PSMA3: variants seen among roughly 807,000 people sequenced by gnomAD.
PSMA3 encodes the protein proteasome 20S subunit alpha 3, also known as proteasome subunit alpha type-3.
In PSMA3, 8 loss-of-function variants were observed where a neutral mutation model predicts 40.0. That is an observed-to-expected ratio of 0.20 (90% CI 0.12 to 0.36). PSMA3 has a LOEUF of 0.36. Ranked by LOEUF, PSMA3 falls within the 10% of genes least tolerant of loss-of-function variation. The probability of loss-of-function intolerance (pLI) is 1.00; values close to 1 mark genes in which losing one functional copy is unlikely to be tolerated. For missense variants in PSMA3, 219 were observed against 310.6 expected (o/e 0.70, Z 2.22); for synonymous variants, 110 against 100.0 (o/e 1.10, Z -0.59).
intron 3 of PSMA3, 133 bp from the exon 4 acceptor site, chr14:58,257,612 G>T: frequency 1.5e-6 from 1 of 669,506 alleles, no homozygotes; most frequent in Non-Finnish European, 2.5e-6. Flanking sequence ...CTTGTAGAGA[G>T]ACCTTTAAGC....
chr14:58,252,338 G>C (rs1332289405), intron 3 of PSMA3, 96 bp downstream of exon 3: 10 of 1,433,618 alleles, frequency 7.0e-6, no homozygotes, highest in Admixed American at 2.4e-5. Context: ...AAAGTAATCA[G>C]AGCAAGTTAC....
chr14:58,270,620 T>A (rs1366427674), intron 9 of PSMA3, 135 bp downstream of exon 9: 8 of 1,467,810 alleles, frequency 5.5e-6, no homozygotes, highest in Non-Finnish European at 7.3e-6. Context: ...AAGTTCTGCT[T>A]AATAATTGAC....
intron 7 of PSMA3, chr14:58,266,594 A>G (rs1594832654): frequency 6.6e-6 from 1 of 152,224 alleles, no homozygotes; most frequent in African/African-American, 2.4e-5. Flanking sequence ...CATTGAAAGA[A>G]TGCTTAATTC....
At chr14:58,271,079 C>A in intron 10 of PSMA3, 81 bp downstream of exon 10, 2 of 961,122 alleles carry the variant, frequency 2.1e-6, no homozygotes, top group Non-Finnish European at 3.1e-6. Flanking sequence ...CCAGCCTGAG[C>A]AGCACAGCAA....
chr14:58,263,116 G>A (rs1051095727), intron 6 of PSMA3, among the ~76,000 whole-genome samples: 1 of 151,586 alleles, frequency 6.6e-6, no homozygotes, highest in Non-Finnish European at 1.5e-5. Context: ...TGGAGTAGCT[G>A]GCATTACAGG....
intron 3 of PSMA3, among the ~76,000 whole-genome samples, chr14:58,253,781 A>C (rs1890069499): frequency 6.6e-6 from 1 of 151,750 alleles, no homozygotes; most frequent in South Asian, 2.1e-4. Flanking sequence ...TTTAGTAGAG[A>C]CGGGGTTTCA....
rs147346123 is a variant in PSMA3 at position 58,256,460 on chromosome 14, G to C, written c.229-1285G>C. ...GATGGAGTCTCGCTCTGTTGCCCAG[G>C]ATGGAGTGCAGTGGCGCGATCTCGG... On this transcript the variant is annotated intron_variant, in intron 3 of 10. Transcript: ENST00000216455. Among the ~76,000 whole-genome samples the C allele has an allele frequency of 7.1e-3, 1,064 of 149,742 alleles. 8 individuals are homozygous for C. Among genetic ancestry groups the C allele is most frequent in the Non-Finnish European group, 0.012 (812 of 67,478 alleles).
In PSMA3 at chr14:58,267,526, T is replaced by G. The variant is rs747982940; in HGVS notation, c.590+6T>G. ...GTTAAAGAAGTTGCAAAAATGTAAG[T>G]TGAAATTTTTCTTACCATCCACAAA... On this transcript the variant is annotated splice_donor_region_variant and intron_variant, in intron 8 of 10. Coordinates refer to ENST00000216455, the MANE Select transcript of PSMA3 (RefSeq NM_002788.4). 6.4e-7 allele frequency: 1 copy of G among 1,573,570 alleles called. No homozygotes were observed.
chr14:58,265,408 G>A (rs1890410161), intron 7 of PSMA3: 3 of 152,182 alleles, frequency 2.0e-5, no homozygotes, highest in Non-Finnish European at 4.4e-5. Context: ...CTTTCAGTTT[G>A]TGACAAAATT....
rs751982358 is a variant in PSMA3 at position 58,252,433 on chromosome 14, GAA to G, written c.228+192_228+193del. On this transcript the variant is annotated intron_variant, in intron 3 of 10. Coordinates refer to ENST00000216455, the MANE Select transcript of PSMA3 (RefSeq NM_002788.4). ...TGGGGGAAAAACCAAGTTGCTGAAA[GAA>G]GAGCAGGTGAGGGAGAGGGCTGGGG... Among the ~76,000 whole-genome samples the G allele has an allele frequency of 4.5e-4, 68 of 151,786 alleles. 1 individual carries two copies. The highest frequency in any genetic ancestry group is 1.7e-3 in the South Asian group (8 of 4,824).
chr14:58,260,322 C>G lies in PSMA3; in HGVS notation c.405-626C>G, dbSNP rs529846512. Among the ~76,000 whole-genome samples, 5 of 152,232 alleles carry G rather than the reference C, an allele frequency of 3.3e-5. No individual in the cohort carries two copies. In the South Asian group the frequency reaches 1.0e-3, roughly 32 times the overall value. ...CACTGTATTGTTTAGGGAATAATGA[C>G]AAGAAAATCACAGTTGTTCAGTACA... On this transcript the variant is annotated intron_variant, in intron 5 of 10. Coordinates refer to ENST00000216455, the MANE Select transcript of PSMA3 (RefSeq NM_002788.4).
At chr14:58,254,333 C>CATGTAT in intron 3 of PSMA3, among the ~76,000 whole-genome samples, 1 of 23,792 alleles carries the variant, frequency 4.2e-5, no homozygotes, top group Non-Finnish European at 8.3e-5. Flanking sequence ...ATTATGCATG[C>CATGTAT]ATATATATAT....
chr14:58,265,300 C>T (rs1194936239), intron 7 of PSMA3: 3 of 152,076 alleles, frequency 2.0e-5, no homozygotes, highest in Non-Finnish European at 2.9e-5. Flanking sequence ...AGAGCAGTTA[C>T]TATCTGTCTT....
At chr14:58,259,220 T>C (rs935830446) in intron 5 of PSMA3, among the ~76,000 whole-genome samples, 2 of 152,246 alleles carry the variant, frequency 1.3e-5, no homozygotes, top group Admixed American at 6.5e-5. Context: ...GTAAAATACC[T>C]TTCAACTGAG....
chr14:58,245,240 C>A (rs1452884326), intron 1 of PSMA3: 3 of 408,266 alleles, frequency 7.3e-6, no homozygotes, highest in Non-Finnish European at 1.4e-5. Context: ...TTAGGGAAAC[C>A]GAAAGTGGAA....
rs774309311 is a variant in PSMA3, at chr14:58,257,917, C to T, written c.331-8C>T. 104 of 1,613,336 alleles carry T rather than the reference C, an allele frequency of 6.4e-5. No individual in the cohort carries two copies. Among genetic ancestry groups the T allele is most frequent in the Non-Finnish European group, 8.6e-5 (101 of 1,179,456 alleles). On this transcript the variant is annotated splice_polypyrimidine_tract_variant and splice_region_variant and intron_variant, in intron 4 of 10. Transcript: ENST00000216455. ...TTTATTAATAAGCTCTTCTGCTTCCCTCCATAGCATCTTGCAGACAGAGTG... is the reference window on the plus strand; with the variant it reads ...TTTATTAATAAGCTCTTCTGCTTCCTTCCATAGCATCTTGCAGACAGAGTG...
intron 8 of PSMA3, among the ~76,000 whole-genome samples, chr14:58,269,360 G>A (rs954910210): frequency 3.3e-5 from 5 of 152,148 alleles, no homozygotes; most frequent in African/African-American, 1.2e-4. Flanking sequence ...TGGACAAGGA[G>A]CTTAAAAAGA....
At chr14:58,246,573 A>G (rs1470179832) in intron 1 of PSMA3, among the ~76,000 whole-genome samples, 2 of 151,498 alleles carry the variant, frequency 1.3e-5, no homozygotes, top group South Asian at 4.2e-4. Context: ...TAATTTTTGT[A>G]TTTTTCGTAG....
chr14:58,262,903 C>T (rs1204221895), intron 6 of PSMA3, among the ~76,000 whole-genome samples: 2 of 151,766 alleles, frequency 1.3e-5, no homozygotes, highest in African/African-American at 4.8e-5. Flanking sequence ...CTTATCCTTA[C>T]ATTTTTGTCG....
Sources: gnomAD v4.1 joint callset for allele counts (sites outside exome capture counted in the v4.1 genomes callset) on GRCh38, gnomAD v4.1.1 for gene constraint, MANE v1.5 for transcripts, NCBI Gene and HGNC (gene_info 2026-07-23, HGNC 2026-07-21) for gene names.